The following MVB12B variants were observed in gnomAD, a reference collection of about 807,000 sequenced individuals.
The protein encoded by MVB12B is ESCRT-I complex subunit MVB12B.
A neutral mutation model predicts 41.6 loss-of-function variants in MVB12B; 16 were observed. The observed-to-expected ratio is 0.38, with a 90% CI of 0.26 to 0.58. MVB12B has a LOEUF of 0.58. Ranked by LOEUF, MVB12B falls within the 20% of genes least tolerant of loss-of-function variation. The pLI is 0.62. For synonymous variants in MVB12B, 133 were observed against 139.7 expected (o/e 0.95, Z 0.34); for missense variants, 274 against 380.2 (o/e 0.72, Z 2.32).
intron 2 of MVB12B, among the ~76,000 whole-genome samples, chr9:126,365,332 CTT>C (rs11461253): frequency 8.3e-5 from 10 of 119,826 alleles, no homozygotes; most frequent in Admixed American, 2.7e-4. Context: ...CCCAAAGTGT[CTT>C]TTTTTTTTTT....
chr9:126,495,199 A>G (rs1833805580), intron 9 of MVB12B, among the ~76,000 whole-genome samples: 1 of 151,582 alleles, frequency 6.6e-6, no homozygotes, highest in African/African-American at 2.4e-5. Context: ...CTCAAAAAAA[A>G]AAAAAAAATG....
At chr9:126,400,336 T>G (rs946763831) in intron 6 of MVB12B, among the ~76,000 whole-genome samples, 8 of 152,014 alleles carry the variant, frequency 5.3e-5, no homozygotes, top group African/African-American at 1.9e-4. Flanking sequence ...GGCTTAACAC[T>G]TTAAAAAAAT....
intron 3 of MVB12B, among the ~76,000 whole-genome samples, chr9:126,384,115 A>G (rs1040609740): frequency 6.6e-6 from 1 of 152,144 alleles, no homozygotes; most frequent in Non-Finnish European, 1.5e-5. Flanking sequence ...AAATTATGAT[A>G]GATTAGACCA....
rs551836172 is a variant in MVB12B, at chr9:126,383,560, C to T, written c.312+2389C>T. On this transcript the variant is annotated intron_variant, in intron 3 of 9. Transcript: ENST00000361171. Reference sequence around the variant, plus strand: ...GTCAAAAATAATTACAGTATACTAGCAAATACTGGCTACCAGAGACAATAT... The same window carrying T: ...GTCAAAAATAATTACAGTATACTAGTAAATACTGGCTACCAGAGACAATAT... Among the ~76,000 whole-genome samples, 8 of 152,246 alleles carry T rather than the reference C, an allele frequency of 5.3e-5. No homozygotes were observed. The South Asian group carries it at 1.7e-3, about 32-fold the overall frequency.
intron 6 of MVB12B, among the ~76,000 whole-genome samples, chr9:126,398,188 G>C (rs867651016): frequency 6.6e-6 from 1 of 151,888 alleles, no homozygotes; most frequent in Non-Finnish European, 1.5e-5. Flanking sequence ...CTGGGCCTGT[G>C]CTGGGTCTTC....
intron 7 of MVB12B, among the ~76,000 whole-genome samples, chr9:126,477,096 G>A (rs537200038): frequency 2.6e-5 from 4 of 152,146 alleles, no homozygotes; most frequent in Admixed American, 1.3e-4. Flanking sequence ...TCTGCTTCTC[G>A]GGAAGCCCCA....
At chr9:126,373,404 G>A (rs1830394630) in intron 2 of MVB12B, among the ~76,000 whole-genome samples, 1 of 152,252 alleles carries the variant, frequency 6.6e-6, no homozygotes, top group Non-Finnish European at 1.5e-5. Flanking sequence ...TGGGCCAAGT[G>A]TGTGTGTTTC....
Position 126,480,448 on chromosome 9 carries a change from A to C in MVB12B, c.758-921A>C, listed in dbSNP as rs995981054. Among the ~76,000 whole-genome samples the C allele has an allele frequency of 2.0e-5, 3 of 152,062 alleles. No homozygotes were observed. Among genetic ancestry groups the C allele is most frequent in the Admixed American group, 1.3e-4 (2 of 15,272 alleles). ...CCAGAGTCCTCCTCTCTGAGGTTAT[A>C]ATTCATAGAGAAGTGCTCACTTACG... On this transcript the variant is annotated intron_variant, in intron 7 of 9. Transcript: ENST00000361171. The surrounding 1 kb of genome is among the most constrained non-coding windows in gnomAD (Gnocchi z 4.9).
intron 6 of MVB12B, among the ~76,000 whole-genome samples, chr9:126,418,200 A>G (rs1188890443): frequency 6.6e-6 from 1 of 151,958 alleles, no homozygotes; most frequent in Non-Finnish European, 1.5e-5. Flanking sequence ...AATCATCTCC[A>G]ACGAGGGAAG....
intron 2 of MVB12B, among the ~76,000 whole-genome samples, chr9:126,363,335 T>A (rs1235922753): frequency 6.6e-6 from 1 of 152,208 alleles, no homozygotes; most frequent in East Asian, 1.9e-4. Flanking sequence ...TTATGAGGTA[T>A]GTATATGATG....
At chr9:126,420,785 T>C (rs1443229472) in intron 6 of MVB12B, among the ~76,000 whole-genome samples, 1 of 151,946 alleles carries the variant, frequency 6.6e-6, no homozygotes, top group East Asian at 1.9e-4. Flanking sequence ...TCAGGTGATC[T>C]ACCCACCTCG....
rs1407884442 is a variant in MVB12B, at chr9:126,503,286, G to T, written c.*23G>T. ...TGAGGAGCCAGCGGCCACCTGCGGG[G>T]AGACCACCGCCGCCCAGACTACTGA... On this transcript the variant is annotated 3_prime_UTR_variant, in exon 10 of 10. Transcript: ENST00000361171. 1 of 1,544,076 alleles carries T rather than the reference G, an allele frequency of 6.5e-7. No homozygotes were observed. Among genetic ancestry groups the T allele is most frequent in the South Asian group, 1.2e-5 (1 of 83,882 alleles).
chr9:126,346,918 C>T (rs1420854706), intron 2 of MVB12B, among the ~76,000 whole-genome samples: 1 of 152,166 alleles, frequency 6.6e-6, no homozygotes, highest in Non-Finnish European at 1.5e-5. Context: ...GTGGCAAGCT[C>T]AGAAGCAAGG....
At chr9:126,420,967 G>T (rs1021954488) in intron 6 of MVB12B, among the ~76,000 whole-genome samples, 2 of 152,080 alleles carry the variant, frequency 1.3e-5, no homozygotes, top group South Asian at 4.2e-4. Context: ...CTTCCTTTTC[G>T]GAAATGTCCG....
intron 1 of MVB12B, among the ~76,000 whole-genome samples, chr9:126,339,434 G>C (rs1386134376): frequency 6.6e-6 from 1 of 152,216 alleles, no homozygotes; most frequent in Non-Finnish European, 1.5e-5. Context: ...CCTTTTAAAA[G>C]TACTTAGGTT....
At position 126,423,318 on chromosome 9, in the gene MVB12B, T is replaced by C. The variant is rs1406727939; in HGVS notation, c.757+1370T>C. Among the ~76,000 whole-genome samples the C allele has an allele frequency of 2.0e-5, 3 of 152,322 alleles. No individual in the cohort carries two copies. In the East Asian group the frequency reaches 5.8e-4, roughly 29 times the overall value. On this transcript the variant is annotated intron_variant, in intron 7 of 9. Transcript: ENST00000361171. Reference sequence around the variant, plus strand: ...GTTCTCTGATGGCTTTCCCAGCTGTTGGCGTTTCTGCAGGAAAGAGCCACA... The same window carrying C: ...GTTCTCTGATGGCTTTCCCAGCTGTCGGCGTTTCTGCAGGAAAGAGCCACA...
rs375891066 is a variant in MVB12B at position 126,333,226 on chromosome 9, A to G, written c.81+6216A>G. Among the ~76,000 whole-genome samples, 16 of 152,182 alleles carry G rather than the reference A, an allele frequency of 1.1e-4. No homozygotes were observed. In the East Asian group the frequency reaches 2.7e-3, roughly 26 times the overall value. On this transcript the variant is annotated intron_variant, in intron 1 of 9. Coordinates refer to ENST00000361171, the MANE Select transcript of MVB12B (RefSeq NM_033446.3). The surrounding 1 kb of genome is among the most constrained non-coding windows in gnomAD (Gnocchi z 4.7). Reference sequence around the variant, plus strand: ...CTCAGCCTCCCGAGTAGGTGGGACTACAGGTGCGTGCCACCATGCCTGGCT... The same window carrying G: ...CTCAGCCTCCCGAGTAGGTGGGACTGCAGGTGCGTGCCACCATGCCTGGCT...
In MVB12B at chr9:126,473,039, CT is replaced by C. The variant is rs1833348702; in HGVS notation, c.758-8326del. On this transcript the variant is annotated intron_variant, in intron 7 of 9. Transcript: ENST00000361171. This position sits in a 1 kb window ranked among gnomAD's most constrained non-coding sequence, Gnocchi z 4.0. ...AAAGGAAACCTGCCCCAGCACATGG[CT>C]TTTGGTAAGAGCAGAAGCCAGGGTT... Among the ~76,000 whole-genome samples, 2 of 152,220 alleles carry C rather than the reference CT, an allele frequency of 1.3e-5. No individual in the cohort carries two copies. The highest frequency in any genetic ancestry group is 4.1e-4 in the South Asian group (2 of 4,834).
intron 1 of MVB12B, among the ~76,000 whole-genome samples, chr9:126,328,110 T>C (rs566703413): frequency 6.6e-6 from 1 of 152,210 alleles, no homozygotes; most frequent in Non-Finnish European, 1.5e-5. Flanking sequence ...AAGCCTTGAC[T>C]AACTGAAAAA....
Sources: allele counts gnomAD v4.1 joint callset (sites outside exome capture counted in the v4.1 genomes callset), GRCh38; gene constraint gnomAD v4.1.1; non-coding constraint Gnocchi (gnomAD v3.1); transcripts MANE v1.5; gene names NCBI Gene and HGNC (gene_info 2026-07-23, HGNC 2026-07-21).